The following TPP2 variants were observed in gnomAD, a reference collection of about 807,000 sequenced individuals.
The protein encoded by TPP2 is tripeptidyl-peptidase 2.
TPP2 carries 34 observed loss-of-function variants against 155.9 expected under a neutral mutation model. The observed-to-expected ratio is 0.22, with a 90% CI of 0.17 to 0.29. The LOEUF is 0.29. Ranked by LOEUF, TPP2 falls within the 10% of genes least tolerant of loss-of-function variation. TPP2 has a pLI of 1.00. For missense variants in TPP2, 1,028 were observed against 1,522.3 expected, an observed-to-expected ratio of 0.68 and a Z score of 5.40; for synonymous variants, 510 against 529.4, an observed-to-expected ratio of 0.96 and a Z score of 0.50.
intron 1 of TPP2, among the ~76,000 whole-genome samples, chr13:102,602,652 A>G (rs1311463237): frequency 6.6e-6 from 1 of 152,236 alleles, no homozygotes; most frequent in Non-Finnish European, 1.5e-5. Context: ...CTCCACATCG[A>G]GAATTTCCCT....
At chr13:102,622,551 G>A (rs1263438940) in intron 5 of TPP2, among the ~76,000 whole-genome samples, 1 of 152,204 alleles carries the variant, frequency 6.6e-6, no homozygotes, top group Non-Finnish European at 1.5e-5. Flanking sequence ...TAGGCCATGT[G>A]TCTGAACTAT....
chr13:102,615,460 G>A (rs1294067707), intron 3 of TPP2, among the ~76,000 whole-genome samples: 1 of 152,172 alleles, frequency 6.6e-6, no homozygotes, highest in Non-Finnish European at 1.5e-5. Flanking sequence ...ATTTTATATA[G>A]TATATTAAAT....
intron 6 of TPP2, among the ~76,000 whole-genome samples, chr13:102,625,115 C>T (rs540937293): frequency 1.3e-5 from 2 of 150,370 alleles, no homozygotes; most frequent in Non-Finnish European, 3.0e-5. Context: ...GCCTCGGCCT[C>T]CCAAAGTGCT....
chr13:102,657,015 A>AT (rs1271312379), intron 24 of TPP2, 41 bp from the exon 25 acceptor site: 1 of 1,555,298 alleles, frequency 6.4e-7, no homozygotes, highest in Non-Finnish European at 8.6e-7. Flanking sequence ...TGTATGTAAA[A>AT]TTAAGCATAT....
intron 1 of TPP2, among the ~76,000 whole-genome samples, chr13:102,604,223 C>G (rs1289844629): frequency 6.6e-6 from 1 of 152,072 alleles, no homozygotes. Flanking sequence ...CCCCCTAAAG[C>G]TCTAAACTTG....
intron 25 of TPP2, among the ~76,000 whole-genome samples, chr13:102,661,262 T>TG (rs1404792680): frequency 2.0e-5 from 3 of 150,376 alleles, no homozygotes; most frequent in Non-Finnish European, 3.0e-5. Flanking sequence ...TTTTTTTTTT[T>TG]TTTTTTGAGA....
chr13:102,644,604 C>T lies in TPP2; in HGVS notation c.2223C>T (p.Leu741=). 2.5e-6 allele frequency: 4 copies of T among 1,612,948 alleles called. No individual in the cohort carries two copies. The highest frequency in any genetic ancestry group is 3.4e-6 in the Non-Finnish European group (4 of 1,179,468). The change falls in exon 18 of 30, where the codon CTC becomes CTT. Residue 741 remains leucine, a synonymous_variant. Transcript: ENST00000376052. ...GCATTGCTCGTTGGTGGGCAAGTCT[C>T]AGTGATGTCAACATTGATTATACCA... is the stretch of plus-strand genomic sequence containing the variant. The part of the protein sequence containing the change: ...EFCIARWWAS[L]SDVNIDYTIS...
intron 10 of TPP2, among the ~76,000 whole-genome samples, chr13:102,630,398 A>G (rs1047717032): frequency 9.2e-5 from 14 of 152,208 alleles, no homozygotes; most frequent in African/African-American, 3.4e-4. Flanking sequence ...CATGGAGAAC[A>G]TCACTATTCT....
Position 102,678,296 on chromosome 13 carries a change from C to T in TPP2, c.3769C>T (p.Pro1257Ser). Residue 1257 changes from proline to serine, a missense_variant, in exon 30 of 30, where the codon CCC becomes TCC. This residue lies in a region of TPP2 where 41 missense variants were observed against 78.3 expected (regional missense o/e 0.52). Transcript: ENST00000376052. ...AAACTGGCTCCCCATCATGTATCCTCCCGATTATTGCGTATTCTAAAATAG... is the reference window on the plus strand; with the variant it reads ...AAACTGGCTCCCCATCATGTATCCTTCCGATTATTGCGTATTCTAAAATAG... ...TENWLPIMYP[P>S]DYCVF 6.2e-7 allele frequency: 1 copy of T among 1,613,564 alleles called. No individual in the cohort carries two copies. The highest frequency in any genetic ancestry group is 8.5e-7 in the Non-Finnish European group (1 of 1,179,702).
At chr13:102,631,110 C>T (rs1268690109) in intron 10 of TPP2, among the ~76,000 whole-genome samples, 1 of 152,112 alleles carries the variant, frequency 6.6e-6, no homozygotes, top group Non-Finnish European at 1.5e-5. Flanking sequence ...CAAAGATGAG[C>T]AGGTTTCAGT....
chr13:102,625,150 G>A lies in TPP2; in HGVS notation c.785-1862G>A, dbSNP rs796614476. Among the ~76,000 whole-genome samples the A allele has an allele frequency of 3.5e-4, 47 of 134,108 alleles. 1 individual carries two copies. Among genetic ancestry groups the A allele is most frequent in the African/African-American group, 1.3e-3 (44 of 35,002 alleles). The allele number at this position is 134,108 out of a possible 152,430, so 88.0% of individuals were successfully genotyped here. ...TGAGATTATAGGTGTGAGCCACCAC[G>A]CCCGGCCACTTAACTTTTTTTTTTT... On this transcript the variant is annotated intron_variant, in intron 6 of 29. Coordinates refer to ENST00000376052, the MANE Select transcript of TPP2 (RefSeq NM_001330588.2).
chr13:102,616,542 A>G (rs781331954), intron 4 of TPP2, 42 bp downstream of exon 4: 8 of 1,492,276 alleles, frequency 5.4e-6, no homozygotes, highest in African/African-American at 1.4e-5. Context: ...CCCTAGAACC[A>G]TATTCCCATA....
At chr13:102,637,983 A>C (rs1031917748) in intron 14 of TPP2, among the ~76,000 whole-genome samples, 3 of 152,210 alleles carry the variant, frequency 2.0e-5, no homozygotes, top group African/African-American at 7.2e-5. Flanking sequence ...CTAATTTTTC[A>C]GTTGGGAGTA....
At chr13:102,611,193 A>C (rs1018023716) in intron 2 of TPP2, among the ~76,000 whole-genome samples, 3 of 152,164 alleles carry the variant, frequency 2.0e-5, no homozygotes, top group Admixed American at 2.0e-4. Context: ...ACTACATTCT[A>C]TCCATTCTGC....
At chr13:102,604,746 A>G (rs1879693337) in intron 1 of TPP2, 47 bp from the exon 2 acceptor site, 1 of 1,585,016 alleles carries the variant, frequency 6.3e-7, no homozygotes, top group Non-Finnish European at 8.6e-7. Flanking sequence ...GTTTAGGAAT[A>G]AAAACCTAAA....
chr13:102,624,815 T>C (rs1881446889), intron 6 of TPP2, among the ~76,000 whole-genome samples: 1 of 151,478 alleles, frequency 6.6e-6, no homozygotes, highest in Non-Finnish European at 1.5e-5. Flanking sequence ...AGAGAACCAG[T>C]TGGATATGGT....
intron 11 of TPP2, among the ~76,000 whole-genome samples, chr13:102,635,079 C>T (rs1293237465): frequency 6.6e-6 from 1 of 152,172 alleles, no homozygotes; most frequent in Non-Finnish European, 1.5e-5. Flanking sequence ...CAGTAATTCC[C>T]AACCTGGCTG....
At chr13:102,630,297 G>T (rs199861766) in intron 10 of TPP2, 102 bp downstream of exon 10, 9 of 700,914 alleles carry the variant, frequency 1.3e-5, no homozygotes, top group South Asian at 8.1e-5. Flanking sequence ...TTTTTCTGTT[G>T]GTTTTTACTT....
At chr13:102,666,766 CTTTT>C in intron 27 of TPP2, among the ~76,000 whole-genome samples, 1 of 55,732 alleles carries the variant, frequency 1.8e-5, no homozygotes, top group African/African-American at 7.7e-5. Flanking sequence ...TTTTTAATCT[CTTTT>C]TTTTTTTTTT....
Sources: gnomAD v4.1 joint callset for allele counts (sites outside exome capture counted in the v4.1 genomes callset) on GRCh38, gnomAD v4.1.1 for gene constraint, gnomAD v4.1.1 regional missense constraint, MANE v1.5 for transcripts, NCBI Gene and HGNC (gene_info 2026-07-23, HGNC 2026-07-21) for gene names.